EDEM3: variants seen among roughly 807,000 people sequenced by gnomAD.
EDEM3 encodes ER degradation-enhancing alpha-mannosidase-like protein 3.
In EDEM3, 60 loss-of-function variants were observed where a neutral mutation model predicts 110.2. That is an observed-to-expected ratio of 0.54 (90% confidence interval 0.44 to 0.67). The LOEUF (loss-of-function observed/expected upper bound fraction) is 0.67. Ranked by LOEUF, EDEM3 falls within the 30% of genes least tolerant of loss-of-function variation. The pLI, the probability that EDEM3 is intolerant of heterozygous loss-of-function variation, is 0.00. For missense variants in EDEM3, 996 were observed against 1,121.0 expected (o/e 0.89, Z 1.59); for synonymous variants, 352 against 382.9 (o/e 0.92, Z 0.94).
chr1:184,754,378 C>A (rs1444625325), intron 1 of EDEM3, 111 bp downstream of exon 1: 1 of 1,510,420 alleles, frequency 6.6e-7, no homozygotes, highest in Non-Finnish European at 8.9e-7. Context: ...GCGGGAAGAG[C>A]CGTTCCAATC....
intron 1 of EDEM3, among the ~76,000 whole-genome samples, chr1:184,751,136 C>T (rs1436216499): frequency 7.1e-6 from 1 of 140,378 alleles, no homozygotes; most frequent in Non-Finnish European, 1.6e-5. Flanking sequence ...TTTGCTAAAG[C>T]ACTAATTCTT....
intron 19 of EDEM3, among the ~76,000 whole-genome samples, chr1:184,701,286 G>C (rs958239526): frequency 1.4e-4 from 21 of 152,048 alleles, no homozygotes; most frequent in Admixed American, 5.9e-4. Context: ...CATAGACATA[G>C]AATTCATCTA....
At chr1:184,704,434 T>C (rs1649797241) in intron 18 of EDEM3, among the ~76,000 whole-genome samples, 1 of 150,754 alleles carries the variant, frequency 6.6e-6, no homozygotes, top group Non-Finnish European at 1.5e-5. Flanking sequence ...GCAGACCACT[T>C]GAGGCCATGA....
Position 184,712,532 on chromosome 1 carries a change from G to T in EDEM3, c.1437C>A (p.Asp479Glu), listed in dbSNP as rs1323637572. Residue 479 changes from aspartate to glutamate, a missense_variant, in exon 14 of 20, where the codon GAC (aspartate) becomes GAA (glutamate). Asp to Glu is a conservative substitution (Grantham distance 45, BLOSUM62 2). This residue lies in a region of EDEM3 where 138 missense variants were observed against 124.3 expected (regional missense o/e 1.11). Transcript: ENST00000318130. ...YLYLLFADKE[D>E]IIFDIEDYIF... Reference sequence around the variant, plus strand: ...TGTAATCTTCTATGTCAAAAATAATGTCTTCTTTATCAGCAAATAACAGGT... The same window carrying T: ...TGTAATCTTCTATGTCAAAAATAATTTCTTCTTTATCAGCAAATAACAGGT... The T allele has an allele frequency of 1.3e-6, 2 of 1,598,068 alleles. No homozygotes were observed. The highest frequency in any genetic ancestry group is 1.7e-6 in the Non-Finnish European group (2 of 1,170,328).
At chr1:184,697,424 TTCTAAGAA>T (rs1352456772) in intron 19 of EDEM3, among the ~76,000 whole-genome samples, 1 of 151,884 alleles carries the variant, frequency 6.6e-6, no homozygotes, top group Non-Finnish European at 1.5e-5. Flanking sequence ...AGCCAAGAAA[TTCTAAGAA>T]TCAGTGAGGG....
At chr1:184,719,070 C>G (rs1650719593) in intron 11 of EDEM3, 92 bp downstream of exon 11, 1 of 638,852 alleles carries the variant, frequency 1.6e-6, no homozygotes, top group Non-Finnish European at 2.5e-6. Context: ...CATTTTCTAC[C>G]TTTATATTAG....
chr1:184,719,309 C>T, intron 10 of EDEM3, 64 bp from the exon 11 acceptor site: 1 of 1,508,252 alleles, frequency 6.6e-7, no homozygotes, highest in Non-Finnish European at 8.9e-7. Context: ...CTAATCATTA[C>T]ATAAACAGAA....
At position 184,740,127 on chromosome 1, in the gene EDEM3, A is replaced by G. The variant is rs139002609; in HGVS notation, c.205-2416T>C. ...TGATCTTTATATTTCCTTCACCAAG[A>G]GACAGTTTCTGAAACATTCCTCTAA... On this transcript the variant is annotated intron_variant, in intron 2 of 19. Transcript: ENST00000318130. 2.9e-3 allele frequency among the ~76,000 whole-genome samples: 435 copies of G among 152,350 alleles called. 5 individuals are homozygous for G. The East Asian group carries it at 0.036, about 12-fold the overall frequency.
intron 18 of EDEM3, among the ~76,000 whole-genome samples, chr1:184,706,288 G>A (rs897050269): frequency 6.6e-6 from 1 of 152,108 alleles, no homozygotes; most frequent in African/African-American, 2.4e-5. Context: ...AATTTTCAAT[G>A]GCTCCCCACT....
In EDEM3 at chr1:184,754,533, C is replaced by A; in HGVS notation, c.114G>T (p.Thr38=). 6.2e-7 allele frequency: 1 copy of A among 1,613,254 alleles called. No homozygotes were observed. The highest frequency in any genetic ancestry group is 8.5e-7 in the Non-Finnish European group (1 of 1,179,820). Residue 38 remains threonine (T), a synonymous_variant, in exon 1 of 20, where the codon ACG becomes ACT. Coordinates refer to ENST00000318130, the MANE Select transcript of EDEM3 (RefSeq NM_025191.4). ...CCCTACTCATGGGCTCGGCCCCCGC[C>A]GTCCACACGGAGGTGGCCGACACCA... is the stretch of plus-strand genomic sequence containing the variant. ...FCLVSATSVW[T]AGAEPMSREE...
chr1:184,694,476 T>C lies in EDEM3; in HGVS notation c.2390-4A>G. 2.5e-6 allele frequency: 4 copies of C among 1,583,380 alleles called. No homozygotes were observed. The highest frequency in any genetic ancestry group is 3.4e-6 in the Non-Finnish European group (4 of 1,165,544). On this transcript the variant is annotated splice_region_variant and splice_polypyrimidine_tract_variant and intron_variant, in intron 19 of 19. Coordinates refer to ENST00000318130, the MANE Select transcript of EDEM3 (RefSeq NM_025191.4). Reference sequence around the variant, plus strand: ...TCTTCATTTTCCATTTCAGGATCTGTATGAGAAAGAAACAAACCTCATGCT... The same window carrying C: ...TCTTCATTTTCCATTTCAGGATCTGCATGAGAAAGAAACAAACCTCATGCT...
At chr1:184,706,534 T>C in intron 18 of EDEM3, 109 bp downstream of exon 18, 1 of 1,018,638 alleles carries the variant, frequency 9.8e-7, no homozygotes. Flanking sequence ...CTAGGTGAGG[T>C]AAAAAAAACT....
At chr1:184,708,032 G>T (rs1195842566) in intron 17 of EDEM3, 121 bp downstream of exon 17, 3 of 892,534 alleles carry the variant, frequency 3.4e-6, no homozygotes, top group African/African-American at 3.5e-5. Context: ...AAATCCAGGA[G>T]ATTGACTATT....
At chr1:184,728,165 C>T (rs897963971) in intron 6 of EDEM3, among the ~76,000 whole-genome samples, 1 of 152,150 alleles carries the variant, frequency 6.6e-6, no homozygotes, top group East Asian at 1.9e-4. Flanking sequence ...CCTCAAGGAG[C>T]TTAAAATCCA....
chr1:184,737,667 T>C lies in EDEM3; in HGVS notation c.249A>G (p.Arg83=), dbSNP rs1408921925. Residue 83 remains arginine, a synonymous_variant, in exon 3 of 20, where the codon AGA becomes AGG. Coordinates refer to ENST00000318130, the MANE Select transcript of EDEM3 (RefSeq NM_025191.4). Reference sequence around the variant, plus strand: ...TTGGCTCTTGGCCTCTAACTCGACCTCTACAGGTTAAAGGCATGAGTTCAT... The same window carrying C: ...TTGGCTCTTGGCCTCTAACTCGACCCCTACAGGTTAAAGGCATGAGTTCAT... ...PADELMPLTC[R]GRVRGQEPSR... 6.2e-7 allele frequency: 1 copy of C among 1,613,918 alleles called. No homozygotes were observed. The highest frequency in any genetic ancestry group is 2.2e-5 in the East Asian group (1 of 44,890).
At chr1:184,720,270 T>A (rs1345545827) in intron 9 of EDEM3, among the ~76,000 whole-genome samples, 1 of 127,042 alleles carries the variant, frequency 7.9e-6, no homozygotes, top group Non-Finnish European at 1.6e-5. Flanking sequence ...CTTTTACTAA[T>A]TTTTTTTTTG....
Position 184,721,341 on chromosome 1 carries a change from A to C in EDEM3, c.899T>G (p.Leu300Trp). The change falls in exon 9 of 20, where the codon TTG becomes TGG. Residue 300 changes from leucine to tryptophan, a missense_variant. Leu to Trp is a moderately conservative substitution (Grantham distance 61). Coordinates refer to ENST00000318130, the MANE Select transcript of EDEM3 (RefSeq NM_025191.4). ...AGIDSYYEYLLKAYVLLGDDS... is the reference protein window; with the variant it reads ...AGIDSYYEYLWKAYVLLGDDS... ...ATCTCCAAGCAAGACATAGGCTTTC[A>C]ACAGATATTCATAATATGAATCAAT... The C allele has an allele frequency of 6.2e-7, 1 of 1,607,260 alleles. No homozygotes were observed.
intron 7 of EDEM3, 66 bp from the exon 8 acceptor site, chr1:184,723,922 A>G: frequency 8.2e-7 from 1 of 1,214,846 alleles, no homozygotes. Flanking sequence ...TCTTTGGCAA[A>G]TAGGAAACTA....
intron 11 of EDEM3, 53 bp downstream of exon 11, chr1:184,719,103 CGTGTGT>C: frequency 7.0e-6 from 6 of 861,318 alleles, no homozygotes; most frequent in South Asian, 2.0e-5. Context: ...TATATGTGTA[CGTGTGT>C]GTGTGTGTGT....
Sources: allele counts gnomAD v4.1 joint callset (sites outside exome capture counted in the v4.1 genomes callset), GRCh38; gene constraint gnomAD v4.1.1; regional missense constraint gnomAD v4.1.1; transcripts MANE v1.5; gene names NCBI Gene and HGNC (gene_info 2026-07-23, HGNC 2026-07-21).